CEP112: variants seen among roughly 807,000 people sequenced by gnomAD.
CEP112 encodes centrosomal protein of 112 kDa.
CEP112 carries 127 observed loss-of-function variants against 153.0 expected under a neutral mutation model. That is an observed-to-expected ratio of 0.83 (90% CI 0.72 to 0.96). The LOEUF (loss-of-function observed/expected upper bound fraction) is 0.96. CEP112 is among the 40% of genes least tolerant of loss of function. The pLI, the probability that CEP112 is intolerant of heterozygous loss-of-function variation, is 0.00. For missense variants in CEP112, 1,089 were observed against 1,101.2 expected, an observed-to-expected ratio of 0.99 and a Z score of 0.16; for synonymous variants, 358 against 374.4, an observed-to-expected ratio of 0.96 and a Z score of 0.51.
chr17:66,038,058 C>T (rs1443292), intron 12 of CEP112, among the ~76,000 whole-genome samples: 60,922 of 144,218 alleles, frequency 0.42, 14,109 homozygotes, highest in East Asian at 0.87. Flanking sequence ...GCTGAGATCG[C>T]GCCACTGTAC....
At chr17:65,826,512 A>G (rs2056847307) in intron 21 of CEP112, 1 of 1,399,736 alleles carries the variant, frequency 7.1e-7, no homozygotes, top group South Asian at 1.6e-5. Context: ...TCACAACCAC[A>G]CTGCCTGGCT....
At chr17:65,836,382 G>A (rs1000720502) in intron 21 of CEP112, among the ~76,000 whole-genome samples, 3 of 152,118 alleles carry the variant, frequency 2.0e-5, no homozygotes, top group South Asian at 2.1e-4. Context: ...TCAACTGTAC[G>A]CTGTCTTCAA....
At chr17:65,828,081 G>C (rs2056917155) in intron 21 of CEP112, among the ~76,000 whole-genome samples, 1 of 152,180 alleles carries the variant, frequency 6.6e-6, no homozygotes, top group Non-Finnish European at 1.5e-5. Flanking sequence ...AATGAGCTCT[G>C]AGGGGACAGG....
At chr17:66,148,246 A>T (rs2071007893) in intron 4 of CEP112, among the ~76,000 whole-genome samples, 1 of 152,210 alleles carries the variant, frequency 6.6e-6, no homozygotes, top group South Asian at 2.1e-4. Context: ...CCACAAGAAC[A>T]GTATGGAGGA....
chr17:65,739,649 T>C (rs2051008443), intron 23 of CEP112, among the ~76,000 whole-genome samples: 1 of 152,048 alleles, frequency 6.6e-6, no homozygotes, highest in South Asian at 2.1e-4. Flanking sequence ...GGCAGGAGAA[T>C]TGCTTGAACC....
intron 21 of CEP112, among the ~76,000 whole-genome samples, chr17:65,822,513 A>G (rs961264074): frequency 6.6e-6 from 1 of 152,152 alleles, no homozygotes; most frequent in Non-Finnish European, 1.5e-5. Context: ...CATTTGTATT[A>G]CTTTTTATTG....
At chr17:65,655,048 T>C in intron 24 of CEP112, 1 of 683,132 alleles carries the variant, frequency 1.5e-6, no homozygotes. Flanking sequence ...CTCTTGACAC[T>C]GGAGATCCAG....
Position 65,914,580 on chromosome 17 carries a change from C to A in CEP112, c.1981-12246G>T, listed in dbSNP as rs550177508. Among the ~76,000 whole-genome samples, 211 of 152,178 alleles carry A rather than the reference C, an allele frequency of 1.4e-3. 2 individuals are homozygous for A. The highest frequency in any genetic ancestry group is 4.9e-3 in the African/African-American group (202 of 41,518). On this transcript the variant is annotated intron_variant, in intron 19 of 26. Coordinates refer to ENST00000535342, the MANE Select transcript of CEP112 (RefSeq NM_001199165.4). ...GACCCTGCCTTACCTATGGCTTGAA[C>A]GCATGGCTGGCCTTGCAGCTACCTA...
intron 6 of CEP112, among the ~76,000 whole-genome samples, chr17:66,116,783 A>C (rs2069313231): frequency 6.6e-6 from 1 of 151,764 alleles, no homozygotes; most frequent in South Asian, 2.1e-4. Context: ...TTGTTCTGGA[A>C]CCATACTTTT....
rs779154145 is a variant in CEP112 at position 66,063,008 on chromosome 17, T to C, written c.1029A>G (p.Ile343Met). Reference protein sequence around the residue: ...KEDQIAELKKICEQSTESLNN... With the variant: ...KEDQIAELKKMCEQSTESLNN... Reference sequence around the variant, plus strand: ...TTAGAGATTCCGTACTTTGTTCACATATCTTTTTCAGCTCTGCAATCTGGT... The same window carrying C: ...TTAGAGATTCCGTACTTTGTTCACACATCTTTTTCAGCTCTGCAATCTGGT... Residue 343 changes from isoleucine (I) to methionine (M), a missense_variant, in exon 11 of 27, where the codon ATA (isoleucine) becomes ATG (methionine). Transcript: ENST00000535342. 1.9e-6 allele frequency: 3 copies of C among 1,601,898 alleles called. No homozygotes were observed. Among genetic ancestry groups the C allele is most frequent in the African/African-American group, 1.3e-5 (1 of 74,658 alleles).
intron 21 of CEP112, among the ~76,000 whole-genome samples, chr17:65,815,111 A>G (rs2056196174): frequency 6.6e-6 from 1 of 151,732 alleles, no homozygotes; most frequent in Admixed American, 6.6e-5. Context: ...CTAAATCAAC[A>G]TCACTAAGGT....
In CEP112 at chr17:65,660,172, G is replaced by C. The variant is rs1435920556; in HGVS notation, c.2698-19107C>G. Among the ~76,000 whole-genome samples the C allele has an allele frequency of 8.1e-3, 764 of 94,510 alleles. 1 individual carries two copies. The highest frequency in any genetic ancestry group is 0.037 in the African/African-American group (739 of 20,124). The allele number at this position is 94,510 out of a possible 152,430, so 62.0% of individuals were successfully genotyped here. ...TTCTGATTGGAGACTAATATACCTT[G>C]ATTTCTCCTTCCTTCCTTCCTTCCT... On this transcript the variant is annotated intron_variant, in intron 24 of 26. Transcript: ENST00000535342.
chr17:65,914,772 ACTTTCCTTTGAC>A (rs1413716179), intron 19 of CEP112, among the ~76,000 whole-genome samples: 2 of 152,190 alleles, frequency 1.3e-5, no homozygotes, highest in East Asian at 3.9e-4. Flanking sequence ...TTTTAAAAAA[ACTTTCCTTTGAC>A]CACACACGTC....
intron 8 of CEP112, among the ~76,000 whole-genome samples, chr17:66,082,114 T>G (rs750593582): frequency 6.6e-6 from 1 of 152,204 alleles, no homozygotes; most frequent in Non-Finnish European, 1.5e-5. Flanking sequence ...AAGGAGCAAT[T>G]TCTACCATCT....
intron 24 of CEP112, among the ~76,000 whole-genome samples, chr17:65,686,294 C>T (rs1296831765): frequency 6.6e-6 from 1 of 151,610 alleles, no homozygotes; most frequent in African/African-American, 2.4e-5. Flanking sequence ...TTCTAAAAAG[C>T]TATTGTCACT....
At chr17:65,802,600 C>T (rs2055346603) in intron 21 of CEP112, among the ~76,000 whole-genome samples, 1 of 152,160 alleles carries the variant, frequency 6.6e-6, no homozygotes, top group South Asian at 2.1e-4. Context: ...AAAACACCTC[C>T]TATCAAATCT....
intron 21 of CEP112, among the ~76,000 whole-genome samples, chr17:65,820,394 G>T (rs1185782958): frequency 6.6e-6 from 1 of 151,772 alleles, no homozygotes; most frequent in Non-Finnish European, 1.5e-5. Flanking sequence ...ATTTCTCATT[G>T]TCACTGCAAT....
chr17:66,075,630 C>G (rs2067463367), intron 8 of CEP112, among the ~76,000 whole-genome samples: 1 of 152,116 alleles, frequency 6.6e-6, no homozygotes, highest in Non-Finnish European at 1.5e-5. Flanking sequence ...ACTAAACACT[C>G]TAATTATAAG....
At chr17:65,637,672 T>C (rs2044851212) in intron 25 of CEP112, among the ~76,000 whole-genome samples, 1 of 152,232 alleles carries the variant, frequency 6.6e-6, no homozygotes, top group South Asian at 2.1e-4. Flanking sequence ...TCCCCTCCTC[T>C]GTGTTCCTCC....
Sources: gnomAD v4.1 joint callset for allele counts (sites outside exome capture counted in the v4.1 genomes callset) on GRCh38, gnomAD v4.1.1 for gene constraint, MANE v1.5 for transcripts, NCBI Gene and HGNC (gene_info 2026-07-23, HGNC 2026-07-21) for gene names.